TMEM202: variants seen among roughly 807,000 people sequenced by gnomAD.
TMEM202 encodes transmembrane protein 202.
In TMEM202, 25 loss-of-function variants were observed where a neutral mutation model predicts 26.1. That is an observed-to-expected ratio of 0.96 (90% CI 0.70 to 1.34). The LOEUF (loss-of-function observed/expected upper bound fraction) is 1.34, where lower values mean the gene tolerates loss of function less well. Among genes scored for constraint, TMEM202 ranks in the 40% most tolerant of loss-of-function variants. The probability of loss-of-function intolerance (pLI) is 0.00; values close to 1 mark genes in which losing one functional copy is unlikely to be tolerated. For synonymous variants in TMEM202, 122 were observed against 119.0 expected (o/e 1.02, Z -0.16); for missense variants, 301 against 327.7 (o/e 0.92, Z 0.63).
chr15:72,407,323 A>G, intron 4 of TMEM202, 106 bp downstream of exon 4: 1 of 1,321,606 alleles, frequency 7.6e-7, no homozygotes, highest in Non-Finnish European at 1.1e-6. Context: ...TCCTTTTCAG[A>G]ACACTGATAC....
chr15:72,405,028 T>C (rs2063564644), intron 2 of TMEM202, among the ~76,000 whole-genome samples: 1 of 152,208 alleles, frequency 6.6e-6, no homozygotes, highest in Admixed American at 6.5e-5. Context: ...CAACTTAACA[T>C]CTGTGGATAG....
intron 3 of TMEM202, 61 bp from the exon 4 acceptor site, chr15:72,407,025 G>A (rs2063575282): frequency 6.3e-7 from 1 of 1,595,174 alleles, no homozygotes; most frequent in Admixed American, 1.7e-5. Flanking sequence ...AGAGCTGGGG[G>A]TGGCGGGGAA....
At chr15:72,405,656 T>C (rs1243149182) in intron 2 of TMEM202, among the ~76,000 whole-genome samples, 2 of 152,016 alleles carry the variant, frequency 1.3e-5, no homozygotes, top group Non-Finnish European at 2.9e-5. Context: ...TTCCTGCAGC[T>C]TGGTAAATTG....
intron 3 of TMEM202, 114 bp from the exon 4 acceptor site, chr15:72,406,972 T>C: frequency 1.4e-6 from 2 of 1,440,324 alleles, no homozygotes; most frequent in South Asian, 2.7e-5. Context: ...CCCAGGTTTT[T>C]ATCTTTTTGA....
chr15:72,407,311 G>C, intron 4 of TMEM202, 94 bp downstream of exon 4: 1 of 1,415,386 alleles, frequency 7.1e-7, no homozygotes, highest in Non-Finnish European at 9.7e-7. Context: ...AGCACTGACT[G>C]TTCCTTTTCA....
intron 3 of TMEM202, 147 bp from the exon 4 acceptor site, chr15:72,406,939 C>G (rs1466496939): frequency 1.6e-6 from 2 of 1,229,796 alleles, no homozygotes; most frequent in Admixed American, 2.4e-5. Flanking sequence ...GGGTATAGAG[C>G]CTTTCTCTCA....
chr15:72,405,918 A>T (rs2063568801), intron 2 of TMEM202, among the ~76,000 whole-genome samples: 1 of 152,204 alleles, frequency 6.6e-6, no homozygotes, highest in African/African-American at 2.4e-5. Flanking sequence ...CAAAAAAATA[A>T]TAATAAAATA....
At chr15:72,406,868 C>G (rs763027000) in intron 3 of TMEM202, 117 bp downstream of exon 3, 24 of 1,265,376 alleles carry the variant, frequency 1.9e-5, no homozygotes, top group Non-Finnish European at 2.5e-5. Context: ...CAGTATCACA[C>G]CAACTTGCCA....
chr15:72,399,823 T>C (rs574617899), intron 2 of TMEM202, among the ~76,000 whole-genome samples: 1 of 152,360 alleles, frequency 6.6e-6, no homozygotes, highest in East Asian at 1.9e-4. Context: ...ACTGACAGTT[T>C]TCCCATAACC....
intron 4 of TMEM202, 60 bp downstream of exon 4, chr15:72,407,277 G>A (rs2063577033): frequency 6.3e-7 from 1 of 1,583,358 alleles, no homozygotes; most frequent in Non-Finnish European, 8.6e-7. Context: ...TCTGGAAAGG[G>A]AGGTATAATC....
chr15:72,404,799 A>G (rs112942754), intron 2 of TMEM202, among the ~76,000 whole-genome samples: 126 of 152,316 alleles, frequency 8.3e-4, no homozygotes, highest in African/African-American at 2.4e-3. Flanking sequence ...TATACAGACA[A>G]TAGTCAAGGG....
chr15:72,407,983 C>A lies in TMEM202; in HGVS notation c.*90C>A. On this transcript the variant is annotated 3_prime_UTR_variant, in exon 5 of 5. Coordinates refer to ENST00000341689, the MANE Select transcript of TMEM202 (RefSeq NM_001080462.3). ...AAATTCTGGGAAACTCTCCTAATAT[C>A]ATGTCCATATTACTTGAGGAGACAG... 1 of 1,048,028 alleles carries A rather than the reference C, an allele frequency of 9.5e-7. No individual in the cohort carries two copies. The highest frequency in any genetic ancestry group is 2.1e-5 in the Admixed American group (1 of 47,042). 64.9% of individuals were successfully genotyped at this position (1,048,028 alleles called of 1,614,324 possible).
intron 2 of TMEM202, among the ~76,000 whole-genome samples, chr15:72,402,309 C>G (rs1160194501): frequency 6.6e-6 from 1 of 152,236 alleles, no homozygotes; most frequent in African/African-American, 2.4e-5. Flanking sequence ...AATTCAATGA[C>G]TTCAAACTTT....
At chr15:72,402,895 G>A (rs2063554434) in intron 2 of TMEM202, among the ~76,000 whole-genome samples, 1 of 152,046 alleles carries the variant, frequency 6.6e-6, no homozygotes, top group African/African-American at 2.4e-5. Flanking sequence ...CTCCACCCAG[G>A]ATCATTTCCA....
In TMEM202 at chr15:72,407,989, C is replaced by A; in HGVS notation, c.*96C>A. The A allele has an allele frequency of 1.0e-6, 1 of 982,598 alleles. No homozygotes were observed. Among genetic ancestry groups the A allele is most frequent in the South Asian group, 1.6e-5 (1 of 63,854 alleles). 60.9% of individuals were successfully genotyped at this position (982,598 alleles called of 1,614,324 possible). ...TGGGAAACTCTCCTAATATCATGTC[C>A]ATATTACTTGAGGAGACAGCATTAA... On this transcript the variant is annotated 3_prime_UTR_variant, in exon 5 of 5. Transcript: ENST00000341689.
At chr15:72,399,511 T>A (rs2063538084) in intron 2 of TMEM202, among the ~76,000 whole-genome samples, 1 of 152,154 alleles carries the variant, frequency 6.6e-6, no homozygotes, top group Non-Finnish European at 1.5e-5. Flanking sequence ...CTTGCAGAAT[T>A]AGAAGAGAAG....
intron 2 of TMEM202, among the ~76,000 whole-genome samples, chr15:72,403,246 C>T (rs1327549106): frequency 6.6e-6 from 1 of 152,076 alleles, no homozygotes; most frequent in East Asian, 1.9e-4. Flanking sequence ...TACATCTCAC[C>T]CAATGGTACT....
chr15:72,404,996 CTCACT>C (rs914952219), intron 2 of TMEM202, among the ~76,000 whole-genome samples: 2 of 152,150 alleles, frequency 1.3e-5, no homozygotes, highest in Non-Finnish European at 2.9e-5. Flanking sequence ...TTTAATGTGG[CTCACT>C]TGTTAGGGCT....
At chr15:72,399,018 C>T (rs1000487867) in intron 2 of TMEM202, 110 bp downstream of exon 2, 11 of 1,295,482 alleles carry the variant, frequency 8.5e-6, no homozygotes, top group Non-Finnish European at 1.2e-5. Context: ...GCCTTCACCT[C>T]TCCAAGTGCA....
Sources: gnomAD v4.1 joint callset for allele counts (sites outside exome capture counted in the v4.1 genomes callset) on GRCh38, gnomAD v4.1.1 for gene constraint, MANE v1.5 for transcripts, NCBI Gene and HGNC (gene_info 2026-07-23, HGNC 2026-07-21) for gene names.